The following LRRC59 variants were observed in gnomAD, a reference collection of about 807,000 sequenced individuals.
The protein encoded by LRRC59 is leucine rich repeat containing 59.
LRRC59 carries 18 observed loss-of-function variants against 33.5 expected under a neutral mutation model. The observed-to-expected ratio is 0.54, with a 90% CI of 0.37 to 0.80. LRRC59 has a LOEUF of 0.80. Among genes scored for constraint, LRRC59 ranks in the 30% least tolerant of loss-of-function variants. LRRC59 has a pLI of 0.00. For synonymous variants in LRRC59, 138 were observed against 160.0 expected (o/e 0.86, Z 1.04); for missense variants, 330 against 391.9 (o/e 0.84, Z 1.33).
At position 50,385,219 on chromosome 17, in the gene LRRC59, T is replaced by C; in HGVS notation, c.575A>G (p.Lys192Arg). Residue 192 changes from lysine to arginine, a missense_variant, in exon 6 of 7, where the codon AAG (lysine) becomes AGG (arginine). By Grantham distance (26) the Lys-to-Arg change is conservative. Transcript: ENST00000225972. ...AQERELRKRE[K>R]AEEKERRRKE... Reference sequence around the variant, plus strand: ...TCTCCGGCGCTCCTTCTCTTCCGCCTTCTCCCGCTTCCGCAGTTCCCGCTC... The same window carrying C: ...TCTCCGGCGCTCCTTCTCTTCCGCCCTCTCCCGCTTCCGCAGTTCCCGCTC... 2 of 1,614,190 alleles carry C rather than the reference T, an allele frequency of 1.2e-6. No individual in the cohort carries two copies. Among genetic ancestry groups the C allele is most frequent in the Non-Finnish European group, 1.7e-6 (2 of 1,180,038 alleles).
chr17:50,388,871 A>G (rs897094960), intron 4 of LRRC59, among the ~76,000 whole-genome samples: 5 of 152,108 alleles, frequency 3.3e-5, no homozygotes, highest in Admixed American at 6.5e-5. Flanking sequence ...CATTGTAGCT[A>G]CTTGCTACCT....
In LRRC59 at chr17:50,382,967, C is replaced by T. The variant is rs1390963636; in HGVS notation, c.*21G>A. 8.7e-6 allele frequency: 14 copies of T among 1,605,316 alleles called. No individual in the cohort carries two copies. Among genetic ancestry groups the T allele is most frequent in the African/African-American group, 1.3e-5 (1 of 74,766 alleles). On this transcript the variant is annotated 3_prime_UTR_variant, in exon 7 of 7. Transcript: ENST00000225972. ...GAATCCAAACTCCAAGGCTGGGAGG[C>T]AGCAGGTGCTGGGGACAAGCTCACT...
At position 50,381,923 on chromosome 17, in the gene LRRC59, CAA is replaced by C. The variant is rs1407955965; in HGVS notation, c.*1063_*1064del. 4.6e-5 allele frequency: 7 copies of C among 152,626 alleles called. No individual in the cohort carries two copies. The highest frequency in any genetic ancestry group is 1.7e-4 in the African/African-American group (7 of 41,432). The allele number at this position is 152,626 out of a possible 1,614,324, so 9.5% of individuals were successfully genotyped here. A position where few individuals can be genotyped will look rare whatever the true frequency, so the allele number is the denominator to read the frequency against. ...ATGCCCTTCAGTTATGGTCTAGAAT[CAA>C]ACAATTCTAAACCTCAGTGTCTTAT... On this transcript the variant is annotated 3_prime_UTR_variant, in exon 7 of 7. Transcript: ENST00000225972.
At chr17:50,391,309 T>C (rs946126835) in intron 4 of LRRC59, among the ~76,000 whole-genome samples, 6 of 152,226 alleles carry the variant, frequency 3.9e-5, no homozygotes, top group Admixed American at 3.3e-4. Context: ...TAAGAGATGA[T>C]ACAGATGACA....
chr17:50,384,868 T>C (rs553708174), intron 6 of LRRC59, among the ~76,000 whole-genome samples: 23 of 151,924 alleles, frequency 1.5e-4, no homozygotes, highest in African/African-American at 5.6e-4. Context: ...GTTCTGGGAA[T>C]GCTTCAAGAT....
At chr17:50,395,028 T>A (rs1244169371) in intron 1 of LRRC59, 40 bp from the exon 2 acceptor site, 4 of 1,385,488 alleles carry the variant, frequency 2.9e-6, no homozygotes. Context: ...CAGACCAACA[T>A]CTGGAACAAT....
chr17:50,385,624 A>G (rs1913983126), intron 5 of LRRC59, among the ~76,000 whole-genome samples: 1 of 152,234 alleles, frequency 6.6e-6, no homozygotes, highest in Non-Finnish European at 1.5e-5. Flanking sequence ...AAGGCATAGC[A>G]ACTGATTGCC....
chr17:50,392,014 C>T lies in LRRC59; in HGVS notation c.429+384G>A, dbSNP rs576854738. ...GGGAGTTGGAGACCAGCCTGGCCAA[C>T]GTGGCGAAACACCATCTCCACTAAA... On this transcript the variant is annotated intron_variant, in intron 4 of 6. Coordinates refer to ENST00000225972, the MANE Select transcript of LRRC59 (RefSeq NM_018509.4). Among the ~76,000 whole-genome samples the T allele has an allele frequency of 8.5e-5, 13 of 152,276 alleles. No individual in the cohort carries two copies. The East Asian group carries it at 2.5e-3, about 29-fold the overall frequency.
intron 6 of LRRC59, 109 bp from the exon 7 acceptor site, chr17:50,383,344 G>C: frequency 7.4e-7 from 1 of 1,350,224 alleles, no homozygotes; most frequent in Non-Finnish European, 9.8e-7. Context: ...CCTTCCTCAA[G>C]CAAAAACTCC....
chr17:50,388,565 C>T (rs1914067863), intron 4 of LRRC59, among the ~76,000 whole-genome samples: 1 of 150,262 alleles, frequency 6.7e-6, no homozygotes, highest in Non-Finnish European at 1.5e-5. Context: ...ACCACCACCA[C>T]CACCAAACTA....
In LRRC59 at chr17:50,385,230, C is replaced by G. The variant is rs756235674; in HGVS notation, c.564G>C (p.Arg188=). Residue 188 remains arginine, a synonymous_variant, in exon 6 of 7, where the codon CGG becomes CGC. Transcript: ENST00000225972. ...RAKEAQEREL[R]KREKAEEKER... ...CCTTCTCTTCCGCCTTCTCCCGCTT[C>G]CGCAGTTCCCGCTCCTGAGCTTCCT... The G allele has an allele frequency of 1.9e-6, 3 of 1,614,184 alleles. No individual in the cohort carries two copies. In the South Asian group the frequency reaches 3.3e-5, roughly 18 times the overall value.
At chr17:50,384,882 T>A (rs1301211720) in intron 6 of LRRC59, among the ~76,000 whole-genome samples, 1 of 151,922 alleles carries the variant, frequency 6.6e-6, no homozygotes, top group East Asian at 1.9e-4. Flanking sequence ...TCAAGATACA[T>A]CTGACCCAAA....
intron 5 of LRRC59, among the ~76,000 whole-genome samples, chr17:50,387,658 C>T (rs1015220677): frequency 3.3e-5 from 5 of 152,036 alleles, no homozygotes; most frequent in African/African-American, 4.8e-5. Context: ...GACTTGCTGA[C>T]AGATTGGATG....
intron 3 of LRRC59, 42 bp from the exon 4 acceptor site, chr17:50,392,544 A>T: frequency 6.5e-7 from 1 of 1,537,770 alleles, no homozygotes; most frequent in Non-Finnish European, 9.0e-7. Flanking sequence ...ATTAAGCCCG[A>T]GTTCACATAC....
rs1007157732 is a variant in LRRC59, at chr17:50,397,265, T to C, written c.53A>G (p.Asn18Ser). 5 of 1,610,174 alleles carry C rather than the reference T, an allele frequency of 3.1e-6. No individual in the cohort carries two copies. Among genetic ancestry groups the C allele is most frequent in the South Asian group, 1.1e-5 (1 of 90,380 alleles). ...GGNLRDKLDG[N>S]ELDLSLSDLN... Reference sequence around the variant, plus strand: ...GTCGCTGAGGCTCAGGTCCAGTTCGTTGCCGTCCAGCTTGTCGCGGAGGTT... The same window carrying C: ...GTCGCTGAGGCTCAGGTCCAGTTCGCTGCCGTCCAGCTTGTCGCGGAGGTT... The change falls in exon 1 of 7, where the codon AAC becomes AGC. Residue 18 changes from asparagine (N) to serine (S), a missense_variant. Transcript: ENST00000225972.
intron 5 of LRRC59, among the ~76,000 whole-genome samples, chr17:50,385,818 G>C (rs189580738): frequency 1.2e-3 from 180 of 152,300 alleles, no homozygotes; most frequent in African/African-American, 3.9e-3. Flanking sequence ...CTAGGACTTT[G>C]GGAGGTGAAG....
At chr17:50,396,313 TGAG>T (rs1175948571) in intron 1 of LRRC59, 1 of 152,244 alleles carries the variant, frequency 6.6e-6, no homozygotes, top group Non-Finnish European at 1.5e-5. Flanking sequence ...ATTGTATAGA[TGAG>T]GAGATCTAGG....
chr17:50,387,979 G>A, intron 5 of LRRC59, 81 bp downstream of exon 5: 1 of 1,398,180 alleles, frequency 7.2e-7, no homozygotes, highest in South Asian at 1.2e-5. Context: ...CTACTCTACT[G>A]GATCCCAGCT....
intron 5 of LRRC59, among the ~76,000 whole-genome samples, chr17:50,387,560 A>G (rs1914039337): frequency 6.6e-6 from 1 of 152,216 alleles, no homozygotes; most frequent in South Asian, 2.1e-4. Context: ...TGGCAGCATC[A>G]TGGAGACATG....
Sources: allele counts gnomAD v4.1 joint callset (sites outside exome capture counted in the v4.1 genomes callset), GRCh38; gene constraint gnomAD v4.1.1; transcripts MANE v1.5; gene names NCBI Gene and HGNC (gene_info 2026-07-23, HGNC 2026-07-21).